The following ZNF761 variants were observed in gnomAD, a reference collection of about 807,000 sequenced individuals.
ZNF761 encodes zinc finger protein 761.
In ZNF761, 43 loss-of-function variants were observed where a neutral mutation model predicts 59.9. The ratio of observed to expected loss-of-function variants is 0.72; its 90% CI spans 0.56 to 0.92. The LOEUF (loss-of-function observed/expected upper bound fraction) is 0.92. Among genes scored for constraint, ZNF761 ranks in the 40% least tolerant of loss-of-function variants. ZNF761 has a pLI of 0.00. For missense variants in ZNF761, 850 were observed against 906.1 expected, an observed-to-expected ratio of 0.94 and a Z score of 0.79; for synonymous variants, 294 against 304.8, an observed-to-expected ratio of 0.96 and a Z score of 0.37.
chr19:53,434,522 A>G (rs773050857), intron 1 of ZNF761, among the ~76,000 whole-genome samples: 2 of 152,132 alleles, frequency 1.3e-5, no homozygotes, highest in South Asian at 4.1e-4. Context: ...AAACAGGAGA[A>G]TGGGTTTGGA....
intron 1 of ZNF761, among the ~76,000 whole-genome samples, chr19:53,437,317 CAA>C (rs201667966): frequency 2.1e-4 from 13 of 62,098 alleles, no homozygotes; most frequent in South Asian, 5.7e-4. Flanking sequence ...GACTCCATCT[CAA>C]AAAAAAAAAA....
intron 1 of ZNF761, among the ~76,000 whole-genome samples, chr19:53,436,296 A>G (rs1173065161): frequency 2.0e-5 from 3 of 152,202 alleles, no homozygotes; most frequent in South Asian, 2.1e-4. Context: ...AAAGGGGTGT[A>G]CTTGATCTGT....
At chr19:53,434,197 G>A (rs1285007830) in intron 1 of ZNF761, among the ~76,000 whole-genome samples, 1 of 152,130 alleles carries the variant, frequency 6.6e-6, no homozygotes, top group Non-Finnish European at 1.5e-5. Flanking sequence ...CCAGGTAGCT[G>A]GCCTAGAGTA....
intron 1 of ZNF761, among the ~76,000 whole-genome samples, chr19:53,433,756 A>C (rs1292423868): frequency 6.6e-6 from 1 of 152,122 alleles, no homozygotes; most frequent in Non-Finnish European, 1.5e-5. Context: ...GAGAGGTAAG[A>C]GGTAAGGGAG....
At chr19:53,449,672 G>T (rs777866079) in intron 4 of ZNF761, 34 bp downstream of exon 4, 22 of 1,587,078 alleles carry the variant, frequency 1.4e-5, no homozygotes, top group Non-Finnish European at 1.5e-5. Context: ...GTGGGAATGT[G>T]CCCTTGTGTA....
rs1226866927 is a variant in ZNF761 at position 53,457,276 on chromosome 19, G to T, written c.*528G>T. On this transcript the variant is annotated 3_prime_UTR_variant, in exon 5 of 5. Transcript: ENST00000684525. ...AAATGTGGCAGATTTTTCAGACATT[G>T]TTCATACCTTGCAGTTCATCGGTGA... 1.2e-5 allele frequency: 5 copies of T among 424,734 alleles called. No individual in the cohort carries two copies. The highest frequency in any genetic ancestry group is 1.0e-4 in the African/African-American group (5 of 48,818). The allele number at this position is 424,734 out of a possible 1,614,324, so 26.3% of individuals were successfully genotyped here.
At chr19:53,451,708 A>G (rs991138513) in intron 4 of ZNF761, among the ~76,000 whole-genome samples, 2 of 149,402 alleles carry the variant, frequency 1.3e-5, no homozygotes, top group African/African-American at 4.9e-5. Flanking sequence ...TCAGTCTCCC[A>G]GGTAGCTGGG....
chr19:53,433,061 AAG>A (rs752730176), intron 1 of ZNF761, among the ~76,000 whole-genome samples: 3 of 93,504 alleles, frequency 3.2e-5, no homozygotes, highest in Non-Finnish European at 6.6e-5. Flanking sequence ...TATAACAGGG[AAG>A]AGAGAATTTA....
chr19:53,435,190 C>G (rs1336034128), intron 1 of ZNF761, among the ~76,000 whole-genome samples: 1 of 150,318 alleles, frequency 6.7e-6, no homozygotes, highest in Admixed American at 6.6e-5. Context: ...TTAAACTATT[C>G]ACCAGGTGAA....
intron 1 of ZNF761, among the ~76,000 whole-genome samples, chr19:53,438,861 G>A (rs372104487): frequency 3.3e-5 from 5 of 152,150 alleles, no homozygotes; most frequent in South Asian, 2.1e-4. Context: ...TGGGTTCCCC[G>A]ATAACACTCC....
chr19:53,445,002 T>A (rs139108179), intron 1 of ZNF761: 4 of 148,000 alleles, frequency 2.7e-5, no homozygotes, highest in Non-Finnish European at 4.5e-5. Context: ...TTTTTTCAGA[T>A]GGAGTTTCGC....
chr19:53,455,560 G>T lies in ZNF761; in HGVS notation c.1053G>T (p.Glu351Asp), dbSNP rs369812342. The T allele has an allele frequency of 1.4e-5, 22 of 1,612,964 alleles. No homozygotes were observed. Among genetic ancestry groups the T allele is most frequent in the Non-Finnish European group, 1.7e-5 (20 of 1,179,536 alleles). ...LTRHHRLHTG[E>D]KPYKCNECGK... is the part of the protein sequence containing the mutation. ...GCCATCATCGACTTCATACTGGAGA[G>T]AAACCTTACAAGTGTAATGAGTGTG... Residue 351 changes from glutamate to aspartate, a missense_variant, in exon 5 of 5, where the codon GAG becomes GAT. By Grantham distance (45) the Glu-to-Asp change is conservative. Transcript: ENST00000684525.
chr19:53,453,619 C>T (rs556161460), intron 4 of ZNF761, among the ~76,000 whole-genome samples: 2 of 152,260 alleles, frequency 1.3e-5, no homozygotes, highest in Admixed American at 1.3e-4. Context: ...CTCACACCTG[C>T]CATCCCAGGA....
In ZNF761 at chr19:53,455,856, C is replaced by T. The variant is rs750325508; in HGVS notation, c.1349C>T (p.Thr450Ile). The T allele has an allele frequency of 3.1e-6, 5 of 1,612,220 alleles. No individual in the cohort carries two copies. The South Asian group carries it at 3.3e-5, about 11-fold the overall frequency. ...CNECGKTFSR[T>I]SSLTCHRRRH... The stretch of plus-strand genomic sequence containing the variant: ...GAGTGTGGAAAGACCTTTAGCCGGA[C>T]ATCATCCCTTACATGCCATCGTAGA... The change falls in exon 5 of 5, where the codon ACA (threonine) becomes ATA (isoleucine). Residue 450 changes from threonine to isoleucine, a missense_variant. By Grantham distance (89) the Thr-to-Ile change is moderately conservative. Transcript: ENST00000684525.
At chr19:53,443,788 A>AAG (rs1042953402) in intron 1 of ZNF761, 1 of 151,562 alleles carries the variant, frequency 6.6e-6, no homozygotes, top group Non-Finnish European at 1.5e-5. Context: ...TGGGGAAAGA[A>AAG]AGAGAGATCA....
intron 1 of ZNF761, among the ~76,000 whole-genome samples, chr19:53,435,144 G>C (rs2086025173): frequency 6.6e-6 from 1 of 151,986 alleles, no homozygotes; most frequent in Non-Finnish European, 1.5e-5. Context: ...CCTTGGTTTG[G>C]TTTAAGAGGT....
intron 1 of ZNF761, among the ~76,000 whole-genome samples, chr19:53,441,034 C>A (rs780509106): frequency 2.0e-5 from 3 of 152,226 alleles, no homozygotes; most frequent in Non-Finnish European, 4.4e-5. Flanking sequence ...TTAACCACAG[C>A]ACTTTGGGAG....
chr19:53,451,266 A>G (rs1398723514), intron 4 of ZNF761, among the ~76,000 whole-genome samples: 1 of 152,166 alleles, frequency 6.6e-6, no homozygotes, highest in African/African-American at 2.4e-5. Flanking sequence ...GCTGGAGTGC[A>G]ATGGCACAAT....
At chr19:53,432,808 A>G (rs1224072833) in intron 1 of ZNF761, among the ~76,000 whole-genome samples, 1 of 152,072 alleles carries the variant, frequency 6.6e-6, no homozygotes, top group Non-Finnish European at 1.5e-5. Flanking sequence ...ACGATAAGAA[A>G]GCAGGAGGAG....
Sources: gnomAD v4.1 joint callset for allele counts (sites outside exome capture counted in the v4.1 genomes callset) on GRCh38, gnomAD v4.1.1 for gene constraint, MANE v1.5 for transcripts, NCBI Gene and HGNC (gene_info 2026-07-23, HGNC 2026-07-21) for gene names.